Variants in RUNDC3B observed in about 807,000 individuals in gnomAD.
RUNDC3B encodes the protein RUN domain-containing protein 3B.
RUNDC3B carries 33 observed loss-of-function variants against 58.4 expected under a neutral mutation model. That is an observed-to-expected ratio of 0.56 (90% CI 0.43 to 0.75). RUNDC3B has a LOEUF of 0.75. RUNDC3B is among the 30% of genes least tolerant of loss of function. RUNDC3B has a pLI of 0.00. For synonymous variants in RUNDC3B, 193 were observed against 195.2 expected (o/e 0.99, Z 0.10); for missense variants, 501 against 535.7 (o/e 0.94, Z 0.64).
At chr7:87,754,105 T>TGAAC (rs1563186758) in intron 6 of RUNDC3B, among the ~76,000 whole-genome samples, 1 of 151,726 alleles carries the variant, frequency 6.6e-6, no homozygotes, top group African/African-American at 2.4e-5. Flanking sequence ...GTACTGATAC[T>TGAAC]GAACTTTCCA....
At chr7:87,737,225 T>G (rs1832039491) in intron 4 of RUNDC3B, among the ~76,000 whole-genome samples, 1 of 151,980 alleles carries the variant, frequency 6.6e-6, no homozygotes, top group Non-Finnish European at 1.5e-5. Flanking sequence ...ACAAAAAATA[T>G]TTTTAACTGA....
At chr7:87,676,703 C>CAAAAAAAAAAAAA (rs57480483) in intron 2 of RUNDC3B, among the ~76,000 whole-genome samples, 1 of 45,432 alleles carries the variant, frequency 2.2e-5, no homozygotes, top group Admixed American at 2.7e-4. Flanking sequence ...GACCCTGTCT[C>CAAAAAAAAAAAAA]AAAAAAAAAA....
chr7:87,636,032 A>G (rs150020323), intron 1 of RUNDC3B, among the ~76,000 whole-genome samples: 2 of 152,286 alleles, frequency 1.3e-5, no homozygotes, highest in Non-Finnish European at 2.9e-5. Context: ...TTTGACTACT[A>G]CTAACTAAAT....
chr7:87,702,142 CAAAAAAAAAAAAAAAAA>C lies in RUNDC3B; in HGVS notation c.372+1602_372+1618del, dbSNP rs146127516. ...TGGGCAAAAGAGCGAGACTCTGTCT[CAAAAAAAAAAAAAAAAA>C]AAAAAAAAAAAAACAGAGATACTTT... On this transcript the variant is annotated intron_variant, in intron 3 of 10. Transcript: ENST00000394654. Among the ~76,000 whole-genome samples, 12 of 16,776 alleles carry C rather than the reference CAAAAAAAAAAAAAAAAA, an allele frequency of 7.2e-4. 1 individual carries two copies. The South Asian group carries it at 0.026, about 36-fold the overall frequency. The allele number at this position is 16,776 out of a possible 152,430, so 11.0% of individuals were successfully genotyped here.
chr7:87,646,904 A>G (rs972572055), intron 1 of RUNDC3B, among the ~76,000 whole-genome samples: 5 of 152,148 alleles, frequency 3.3e-5, no homozygotes, highest in Non-Finnish European at 7.4e-5. Context: ...TAGGTACAAG[A>G]AACTAACTTT....
chr7:87,676,735 A>C (rs1204941296), intron 2 of RUNDC3B, among the ~76,000 whole-genome samples: 1 of 150,870 alleles, frequency 6.6e-6, no homozygotes, highest in African/African-American at 2.4e-5. Context: ...AAAAAGATAA[A>C]TGCCTTTACC....
rs550830683 is a variant in RUNDC3B, at chr7:87,753,195, T to A, written c.629+11616T>A. On this transcript the variant is annotated intron_variant, in intron 6 of 10. Transcript: ENST00000394654. ...GTAGTTGAGCGGTTTTGAGTGAGAT[T>A]CTTAATCCTGAGTTCTAGTTTGATT... is the stretch of plus-strand genomic sequence containing the variant. Among the ~76,000 whole-genome samples the A allele has an allele frequency of 4.7e-4, 71 of 151,006 alleles. 1 individual carries two copies. The highest frequency in any genetic ancestry group is 9.2e-4 in the Admixed American group (14 of 15,138).
At chr7:87,662,141 C>A (rs1824773460) in intron 2 of RUNDC3B, among the ~76,000 whole-genome samples, 2 of 151,800 alleles carry the variant, frequency 1.3e-5, no homozygotes, top group South Asian at 2.1e-4. Flanking sequence ...CTTATATATT[C>A]TGCTTATTAA....
intron 6 of RUNDC3B, among the ~76,000 whole-genome samples, chr7:87,749,915 A>G (rs1832864575): frequency 1.3e-5 from 2 of 151,590 alleles, no homozygotes; most frequent in South Asian, 4.2e-4. Flanking sequence ...TTTAGGGTAC[A>G]TGTGCACAAT....
chr7:87,682,413 A>G (rs1827016186), intron 2 of RUNDC3B, among the ~76,000 whole-genome samples: 1 of 152,194 alleles, frequency 6.6e-6, no homozygotes, highest in South Asian at 2.1e-4. Context: ...ATCCATCAGA[A>G]GACTCATTGT....
chr7:87,816,167 T>C lies in RUNDC3B; in HGVS notation c.1130T>C (p.Leu377Ser), dbSNP rs765053211. ...YEKSYQSLDQ[L>S]SAEVSLSQTS... ...AAAAGTTATCAAAGTCTTGACCAGT[T>C]ATCAGCAGAAGTTAGCCTTTCTCAG... Residue 377 changes from leucine (L) to serine (S), a missense_variant, in exon 10 of 11, where the codon TTA becomes TCA. Transcript: ENST00000394654. 6.2e-7 allele frequency: 1 copy of C among 1,609,368 alleles called. No individual in the cohort carries two copies. Among genetic ancestry groups the C allele is most frequent in the African/African-American group, 1.3e-5 (1 of 74,938 alleles).
intron 7 of RUNDC3B, among the ~76,000 whole-genome samples, chr7:87,775,082 T>TA (rs1167428487): frequency 2.0e-5 from 3 of 152,168 alleles, no homozygotes; most frequent in Non-Finnish European, 2.9e-5. Flanking sequence ...ACAAAAAAGT[T>TA]AAATGTTAAA....
intron 6 of RUNDC3B, among the ~76,000 whole-genome samples, chr7:87,749,951 A>C (rs570217925): frequency 9.7e-4 from 147 of 152,018 alleles, no homozygotes; most frequent in African/African-American, 3.4e-3. Flanking sequence ...ATATGTATAC[A>C]TGTGCCATGC....
At chr7:87,763,466 G>A (rs775996994) in intron 6 of RUNDC3B, among the ~76,000 whole-genome samples, 7 of 151,458 alleles carry the variant, frequency 4.6e-5, no homozygotes, top group Non-Finnish European at 1.0e-4. Context: ...CATCTCTAAC[G>A]TTTTAGTTTT....
rs1321126703 is a variant in RUNDC3B, at chr7:87,680,379, C to T, written c.239-20042C>T. The stretch of plus-strand genomic sequence containing the variant: ...TTTTGAACTGAATGAAAAACTAAAA[C>T]GCGTTGTATCAAAATGTGTAGCATG... On this transcript the variant is annotated intron_variant, in intron 2 of 10. Coordinates refer to ENST00000394654, the MANE Select transcript of RUNDC3B (RefSeq NM_001134405.2). Among the ~76,000 whole-genome samples, 17 of 150,760 alleles carry T rather than the reference C, an allele frequency of 1.1e-4. 1 individual carries two copies. Among genetic ancestry groups the T allele is most frequent in the East Asian group, 2.0e-4 (1 of 5,066 alleles).
intron 3 of RUNDC3B, among the ~76,000 whole-genome samples, chr7:87,701,863 G>A (rs972073223): frequency 6.6e-6 from 1 of 152,060 alleles, no homozygotes; most frequent in African/African-American, 2.4e-5. Flanking sequence ...AGAGATACTG[G>A]CCGGGCGCGG....
In RUNDC3B at chr7:87,644,952, A is replaced by G. The variant is rs535915164; in HGVS notation, c.123-5870A>G. ...GAACTATGGAAGGAATTAATGTAAT[A>G]TGGATGTAATTAATATGTTTTAAAC... On this transcript the variant is annotated intron_variant, in intron 1 of 10. Coordinates refer to ENST00000394654, the MANE Select transcript of RUNDC3B (RefSeq NM_001134405.2). 3.0e-4 allele frequency among the ~76,000 whole-genome samples: 46 copies of G among 152,154 alleles called. 1 individual carries two copies. Among genetic ancestry groups the G allele is most frequent in the African/African-American group, 1.1e-3 (45 of 41,544 alleles).
intron 1 of RUNDC3B, among the ~76,000 whole-genome samples, chr7:87,643,256 T>C (rs1318575862): frequency 6.6e-6 from 1 of 152,172 alleles, no homozygotes; most frequent in Non-Finnish European, 1.5e-5. Flanking sequence ...CGTAAAATTT[T>C]TTGAGATAAT....
chr7:87,634,770 T>A (rs892359360), intron 1 of RUNDC3B, among the ~76,000 whole-genome samples: 2 of 152,230 alleles, frequency 1.3e-5, no homozygotes, highest in African/African-American at 2.4e-5. Context: ...TAAAACTCTT[T>A]CAGTCATTTT....
Sources: gnomAD v4.1 joint callset for allele counts (sites outside exome capture counted in the v4.1 genomes callset) on GRCh38, gnomAD v4.1.1 for gene constraint, MANE v1.5 for transcripts, NCBI Gene and HGNC (gene_info 2026-07-23, HGNC 2026-07-21) for gene names.